PKD1L1: variants seen among roughly 807,000 people sequenced by gnomAD.
PKD1L1 encodes polycystin-1-like protein 1.
In PKD1L1, 236 loss-of-function variants were observed where a neutral mutation model predicts 323.4. The ratio of observed to expected loss-of-function variants is 0.73; its 90% CI spans 0.66 to 0.81. The LOEUF (loss-of-function observed/expected upper bound fraction) is 0.81. PKD1L1 is among the 40% of genes least tolerant of loss of function. The pLI is 0.00. For missense variants in PKD1L1, 3,320 were observed against 3,508.0 expected, an observed-to-expected ratio of 0.95 and a Z score of 1.35; for synonymous variants, 1,344 against 1,335.0, an observed-to-expected ratio of 1.01 and a Z score of -0.15.
At chr7:47,837,424 G>T (rs1271143169) in intron 36 of PKD1L1, among the ~76,000 whole-genome samples, 2 of 152,156 alleles carry the variant, frequency 1.3e-5, no homozygotes, top group Non-Finnish European at 2.9e-5. Flanking sequence ...CTATCACGCT[G>T]GACTCTGGCT....
chr7:47,829,930 T>C, intron 43 of PKD1L1, 110 bp downstream of exon 43: 2 of 1,023,300 alleles, frequency 2.0e-6, no homozygotes, highest in Non-Finnish European at 3.0e-6. Flanking sequence ...ACAGCTGAAA[T>C]CAGGGTATAA....
At chr7:47,928,813 TGCATATGTGTG>T (rs748077385) in intron 7 of PKD1L1, among the ~76,000 whole-genome samples, 6,186 of 147,042 alleles carry the variant, frequency 0.042, 241 homozygotes, top group African/African-American at 0.11. Flanking sequence ...ATTGTGTGTG[TGCATATGTGTG>T]TGCATGAGCT....
At chr7:47,818,125 G>C (rs753802893) in intron 46 of PKD1L1, 3 of 1,367,732 alleles carry the variant, frequency 2.2e-6, no homozygotes, top group Admixed American at 1.9e-5. Context: ...AGCACCCAGA[G>C]GGTGGAATGA....
At chr7:47,938,670 C>T (rs1382675267) in intron 3 of PKD1L1, among the ~76,000 whole-genome samples, 1 of 152,158 alleles carries the variant, frequency 6.6e-6, no homozygotes, top group Non-Finnish European at 1.5e-5. Context: ...TCCCAGTCAA[C>T]CAAAACCAGA....
intron 21 of PKD1L1, among the ~76,000 whole-genome samples, chr7:47,879,521 T>G (rs1053174173): frequency 6.7e-6 from 1 of 149,690 alleles, no homozygotes; most frequent in South Asian, 2.1e-4. Context: ...TAATCCCAGT[T>G]ACTCGGGAGG....
At chr7:47,785,386 A>G (rs1429193888) in intron 56 of PKD1L1, among the ~76,000 whole-genome samples, 2 of 152,200 alleles carry the variant, frequency 1.3e-5, no homozygotes, top group Non-Finnish European at 2.9e-5. Flanking sequence ...CAGCCTCTAG[A>G]ATTGTGCCTG....
At chr7:47,960,755 G>C in the PKD1L1 span, among the ~76,000 whole-genome samples, 1 of 151,128 alleles carries the variant, frequency 6.6e-6, no homozygotes, top group South Asian at 2.1e-4. Context: ...CAAGCAAATG[G>C]CCAACAGGTA....
In PKD1L1 at chr7:47,861,654, G is replaced by A. The variant is rs140580128; in HGVS notation, c.4150-2769C>T. Among the ~76,000 whole-genome samples, 58 of 151,070 alleles carry A rather than the reference G, an allele frequency of 3.8e-4. 1 individual carries two copies. In the East Asian group the frequency reaches 6.0e-3, roughly 16 times the overall value. On this transcript the variant is annotated intron_variant, in intron 26 of 56. Transcript: ENST00000289672. ...TCCCAGCACTTTGGGAGGCCAAGGC[G>A]GGCGGATCACAAGGTCAGGAGATCG...
At chr7:47,938,476 A>G (rs12702400) in intron 3 of PKD1L1, among the ~76,000 whole-genome samples, 15,449 of 152,136 alleles carry the variant, frequency 0.1, 897 homozygotes, top group South Asian at 0.2. Flanking sequence ...AACCCCTAAA[A>G]GGCATGGTGC....
In PKD1L1 at chr7:47,814,686, G is replaced by C. The variant is rs531549168; in HGVS notation, c.7089+648C>G. On this transcript the variant is annotated intron_variant, in intron 47 of 56. Coordinates refer to ENST00000289672, the MANE Select transcript of PKD1L1 (RefSeq NM_138295.5). The stretch of plus-strand genomic sequence containing the variant: ...GCGCCACCACACACAGCTAACTTTT[G>C]TATTTTTAGTAGAGACAGGGTTTCC... Among the ~76,000 whole-genome samples, 5 of 152,292 alleles carry C rather than the reference G, an allele frequency of 3.3e-5. No homozygotes were observed. The East Asian group carries it at 9.6e-4, about 29-fold the overall frequency.
At chr7:47,832,618 A>T (rs1010466616) in intron 41 of PKD1L1, among the ~76,000 whole-genome samples, 12 of 152,172 alleles carry the variant, frequency 7.9e-5, no homozygotes, top group Non-Finnish European at 1.3e-4. Context: ...CATCCCTGCC[A>T]GGCCAGGCCC....
At chr7:47,953,298 C>T (rs1583702166), upstream of PKD1L1, among the ~76,000 whole-genome samples, 1 of 152,208 alleles carries the variant, frequency 6.6e-6, no homozygotes, top group South Asian at 2.1e-4. Context: ...TTATCCGTAT[C>T]ATCTCAGCTT....
chr7:47,942,070 A>G (rs577347050), intron 2 of PKD1L1, among the ~76,000 whole-genome samples: 4 of 152,264 alleles, frequency 2.6e-5, no homozygotes, highest in Non-Finnish European at 5.9e-5. Flanking sequence ...CAACCCAGGA[A>G]AGGGACCCAC....
At chr7:47,899,467 A>G (rs1787031031) in intron 13 of PKD1L1, among the ~76,000 whole-genome samples, 1 of 151,956 alleles carries the variant, frequency 6.6e-6, no homozygotes, top group Non-Finnish European at 1.5e-5. Flanking sequence ...CCTCCCAGCC[A>G]CTCTGTCTTT....
At chr7:47,880,221 C>T (rs1416494755) in intron 21 of PKD1L1, among the ~76,000 whole-genome samples, 1 of 136,422 alleles carries the variant, frequency 7.3e-6, no homozygotes, top group Non-Finnish European at 1.5e-5. Context: ...AAGGAATCAA[C>T]TTGTGCAGTT....
Position 47,833,254 on chromosome 7 carries a change from T to G in PKD1L1, c.6175-2A>C. 6.2e-7 allele frequency: 1 copy of G among 1,611,578 alleles called. No homozygotes were observed. Among genetic ancestry groups the G allele is most frequent in the Non-Finnish European group, 8.5e-7 (1 of 1,178,712 alleles). Reference sequence around the variant, plus strand: ...AGAGAGAATGGCTGATGCAGGTTGCTAGAATGACAAGGTCATGCCAAGGTT... The same window carrying G: ...AGAGAGAATGGCTGATGCAGGTTGCGAGAATGACAAGGTCATGCCAAGGTT... On this transcript the variant is annotated splice_acceptor_variant, in intron 40 of 56. Coordinates refer to ENST00000289672, the MANE Select transcript of PKD1L1 (RefSeq NM_138295.5). LOFTEE classifies it high-confidence loss of function.
chr7:47,863,586 T>C (rs149504355), intron 26 of PKD1L1, among the ~76,000 whole-genome samples: 11 of 152,062 alleles, frequency 7.2e-5, no homozygotes, highest in East Asian at 3.9e-4. Context: ...CCAAAGCAGA[T>C]TGAGCCCCAC....
rs1786017811 is a variant in PKD1L1 at position 47,861,322 on chromosome 7, TAC to T, written c.4150-2439_4150-2438del. Among the ~76,000 whole-genome samples the T allele has an allele frequency of 1.3e-5, 2 of 152,216 alleles. 1 individual carries two copies. Among genetic ancestry groups the T allele is most frequent in the South Asian group, 4.1e-4 (2 of 4,832 alleles). ...TTGAAGTGCTAAAAACAAAGTCACG[TAC>T]AAATTTGTCTCGAACAAAATGAACT... On this transcript the variant is annotated intron_variant, in intron 26 of 56. Coordinates refer to ENST00000289672, the MANE Select transcript of PKD1L1 (RefSeq NM_138295.5).
intron 46 of PKD1L1, chr7:47,819,501 A>T (rs755188199): frequency 1.5e-6 from 2 of 1,319,228 alleles, no homozygotes; most frequent in South Asian, 2.6e-5. Flanking sequence ...TTTGTTTTGC[A>T]CACAGCACCA....
Sources: gnomAD v4.1 joint callset for allele counts (sites outside exome capture counted in the v4.1 genomes callset) on GRCh38, gnomAD v4.1.1 for gene constraint, MANE v1.5 for transcripts, NCBI Gene and HGNC (gene_info 2026-07-23, HGNC 2026-07-21) for gene names.